Variants in PCARE observed in about 807,000 individuals in gnomAD.
PCARE encodes photoreceptor cilium actin regulator, also known as uncharacterized protein C2orf71.
A neutral mutation model predicts 82.2 loss-of-function variants in PCARE; 72 were observed. The observed-to-expected ratio is 0.88, with a 90% CI of 0.72 to 1.07. The LOEUF is 1.07. Ranked by LOEUF, PCARE falls within the 50% of genes least tolerant of loss-of-function variation. The probability of loss-of-function intolerance (pLI) is 0.00; values close to 1 mark genes in which losing one functional copy is unlikely to be tolerated. For missense variants in PCARE, 1,768 were observed against 1,592.4 expected, an observed-to-expected ratio of 1.11 and a Z score of -1.88; for synonymous variants, 705 against 634.8, an observed-to-expected ratio of 1.11 and a Z score of -1.66.
At position 29,072,683 on chromosome 2, in the gene PCARE, C is replaced by T. The variant is rs1558489496; in HGVS notation, c.1579G>A (p.Ala527Thr). The change falls in exon 1 of 2, where the codon GCC (alanine) becomes ACC (threonine). Residue 527 changes from alanine (A) to threonine (T), a missense_variant. Transcript: ENST00000331664. Reference sequence around the variant, plus strand: ...AGGCTCCTAAGCCTCCTGGTGCGGGCCTGAAATGGGCTTTCCCGGTCAGCA... The same window carrying T: ...AGGCTCCTAAGCCTCCTGGTGCGGGTCTGAAATGGGCTTTCCCGGTCAGCA... ...SPADRESPFQ[A>T]RTRRLRSLQA... is the part of the protein sequence containing the mutation. 6.2e-7 allele frequency: 1 copy of T among 1,614,052 alleles called. No individual in the cohort carries two copies. Among genetic ancestry groups the T allele is most frequent in the Non-Finnish European group, 8.5e-7 (1 of 1,180,016 alleles).
rs753697664 is a variant in PCARE at position 29,071,585 on chromosome 2, G to A, written c.2677C>T (p.Pro893Ser). 2 of 1,611,284 alleles carry A rather than the reference G, an allele frequency of 1.2e-6. No individual in the cohort carries two copies. The highest frequency in any genetic ancestry group is 1.7e-4 in the Middle Eastern group (1 of 6,020). ...GTCAGGCTGGCGGTGCTCTTGCTGG[G>A]CAGCAAGTCCAGGGGGCTCACAGAG... ...RASVSPLDLL[P>S]SKSTASLTKP... The change falls in exon 1 of 2, where the codon CCC (proline) becomes TCC (serine). Residue 893 changes from proline (P) to serine (S), a missense_variant. By Grantham distance (74) the Pro-to-Ser change is moderately conservative. Transcript: ENST00000331664.
intron 1 of PCARE, among the ~76,000 whole-genome samples, chr2:29,067,695 C>T (rs1048599587): frequency 6.6e-6 from 1 of 152,204 alleles, no homozygotes; most frequent in Non-Finnish European, 1.5e-5. Context: ...CAGGTGCGTG[C>T]CACCATACCC....
rs775685036 is a variant in PCARE, at chr2:29,070,991, G to C, written c.3271C>G (p.Pro1091Ala). The C allele has an allele frequency of 5.0e-6, 8 of 1,610,696 alleles. No individual in the cohort carries two copies. The African/African-American group carries it at 1.1e-4, about 22-fold the overall frequency. ...SPPFSIPSPSPPMSPSQEHKE... is the reference protein window; with the variant it reads ...SPPFSIPSPSAPMSPSQEHKE... ...TGCTCCTGAGAAGGGGACATTGGGG[G>C]TGATGGGGAGGGAATCGAGAAAGGG... The change falls in exon 1 of 2, where the codon CCC (proline) becomes GCC (alanine). Residue 1091 changes from proline to alanine, a missense_variant. Pro to Ala is a conservative substitution (Grantham distance 27). Transcript: ENST00000331664.
chr2:29,069,283 G>A (rs933636311), intron 1 of PCARE, among the ~76,000 whole-genome samples: 2 of 152,164 alleles, frequency 1.3e-5, no homozygotes, highest in African/African-American at 4.8e-5. Context: ...GCAAAGATAT[G>A]GAGTCAACCC....
At position 29,071,043 on chromosome 2, in the gene PCARE, G is replaced by A. The variant is rs1260791668; in HGVS notation, c.3219C>T (p.Pro1073=). Residue 1073 remains proline, a synonymous_variant, in exon 1 of 2, where the codon CCC becomes CCT. Transcript: ENST00000331664. ...GGCTTGCTTCTGGGTGCTGGGTTGG[G>A]GGGCTGGGGACCTTGCACTGAGCAG... ...SAPAQCKVPS[P]PTQHPEASPP... 18 of 1,577,392 alleles carry A rather than the reference G, an allele frequency of 1.1e-5. No individual in the cohort carries two copies. Among genetic ancestry groups the A allele is most frequent in the Non-Finnish European group, 1.6e-5 (18 of 1,156,872 alleles).
At chr2:29,069,755 A>T (rs1462288622) in intron 1 of PCARE, among the ~76,000 whole-genome samples, 1 of 152,222 alleles carries the variant, frequency 6.6e-6, no homozygotes, top group Non-Finnish European at 1.5e-5. Flanking sequence ...GTGTTAACGT[A>T]TTTTTTAAAA....
Position 29,065,014 on chromosome 2 carries a change from G to C in PCARE, c.3722C>G (p.Ser1241Cys), listed in dbSNP as rs78471512. 6.4e-7 allele frequency: 1 copy of C among 1,562,238 alleles called. No homozygotes were observed. The highest frequency in any genetic ancestry group is 8.7e-7 in the Non-Finnish European group (1 of 1,153,052). Reference sequence around the variant, plus strand: ...CCTGGTGCCGCCCTGCAGTTCAGGGGAACAGGGGCTGCTCCCCGGCTCTGT... The same window carrying C: ...CCTGGTGCCGCCCTGCAGTTCAGGGCAACAGGGGCTGCTCCCCGGCTCTGT... ...KDTEPGSSPCSPELQGGTRRA... is the reference protein window; with the variant it reads ...KDTEPGSSPCCPELQGGTRRA... Residue 1241 changes from serine to cysteine, a missense_variant, in exon 2 of 2, where the codon TCC becomes TGC. Coordinates refer to ENST00000331664, the MANE Select transcript of PCARE (RefSeq NM_001029883.3).
rs199689791 is a variant in PCARE, at chr2:29,064,947, C to T, written c.3789G>A (p.Leu1263=). 5.3e-3 allele frequency: 8,551 copies of T among 1,607,924 alleles called. 36 individuals carry two copies. Among genetic ancestry groups the T allele is most frequent in the Middle Eastern group, 0.014 (73 of 5,324 alleles). ...TGTGGCCGGTCCGAGGCTCCGGTTG[C>T]AGCCCGTGGCCCAGCACACAGAACT... The part of the protein sequence containing the change: ...PPEFCVLGHG[L]QPEPRTGHIQ... Residue 1263 remains leucine, a synonymous_variant, in exon 2 of 2, where the codon CTG becomes CTA. Coordinates refer to ENST00000331664, the MANE Select transcript of PCARE (RefSeq NM_001029883.3).
chr2:29,071,504 G>A lies in PCARE; in HGVS notation c.2758C>T (p.Pro920Ser), dbSNP rs759721914. The A allele has an allele frequency of 3.7e-6, 6 of 1,609,310 alleles. No individual in the cohort carries two copies. Among genetic ancestry groups the A allele is most frequent in the Non-Finnish European group, 5.1e-6 (6 of 1,179,876 alleles). ...GGTGGGCTGCTCAGGTCCAGGGCTGGCTTCCTGGGCTGGCAGCTGCTCCTG... is the reference window on the plus strand; with the variant it reads ...GGTGGGCTGCTCAGGTCCAGGGCTGACTTCCTGGGCTGGCAGCTGCTCCTG... ...SGRSSCQPRK[P>S]ALDLSSPPAT... The change falls in exon 1 of 2, where the codon CCA becomes TCA. Residue 920 changes from proline (P) to serine (S), a missense_variant. Transcript: ENST00000331664.
chr2:29,065,540 G>T (rs145165320), intron 1 of PCARE, among the ~76,000 whole-genome samples: 1 of 152,382 alleles, frequency 6.6e-6, no homozygotes, highest in South Asian at 2.1e-4. Context: ...CGCAGGCCCC[G>T]CATTTGGCTG....
Position 29,071,728 on chromosome 2 carries a change from G to C in PCARE, c.2534C>G (p.Ser845Cys). The change falls in exon 1 of 2, where the codon TCT becomes TGT. Residue 845 changes from serine (S) to cysteine (C), a missense_variant. Coordinates refer to ENST00000331664, the MANE Select transcript of PCARE (RefSeq NM_001029883.3). ...CTTGCTGCTTTCTGGGGACTCCAGA[G>C]AAGCGAATGATTTGTCCATCAGAAC... ...MEVLMDKSFA[S>C]LESPESSKST... is the part of the protein sequence containing the mutation. The C allele has an allele frequency of 6.2e-7, 1 of 1,613,970 alleles. No individual in the cohort carries two copies. Among genetic ancestry groups the C allele is most frequent in the Non-Finnish European group, 8.5e-7 (1 of 1,179,908 alleles).
In PCARE at chr2:29,063,881, G is replaced by A. The variant is rs563291434; in HGVS notation, c.*988C>T. On this transcript the variant is annotated 3_prime_UTR_variant, in exon 2 of 2. Coordinates refer to ENST00000331664, the MANE Select transcript of PCARE (RefSeq NM_001029883.3). The stretch of plus-strand genomic sequence containing the variant: ...AAGTTGGCCAAGAAGCCTCCGAGGG[G>A]AGATCGGCGTGTGAGTACGTATGCC... 4 of 152,744 alleles carry A rather than the reference G, an allele frequency of 2.6e-5. No individual in the cohort carries two copies. The highest frequency in any genetic ancestry group is 9.6e-5 in the African/African-American group (4 of 41,576). The allele number at this position is 152,744 out of a possible 1,614,324, so 9.5% of individuals were successfully genotyped here. A position where few individuals can be genotyped will look rare whatever the true frequency, so the allele number is the denominator to read the frequency against.
rs200759534 is a variant in PCARE, at chr2:29,071,953, T to C, written c.2309A>G (p.Lys770Arg). Residue 770 changes from lysine (K) to arginine (R), a missense_variant, in exon 1 of 2, where the codon AAG (lysine) becomes AGG (arginine). Coordinates refer to ENST00000331664, the MANE Select transcript of PCARE (RefSeq NM_001029883.3). ...ATACAAAGGGGCAAGCCCTGTGTAC[T>C]TGGGAAATCTGGGGGGCATGATGCA... is the stretch of plus-strand genomic sequence containing the variant. ...RNCIMPPRFPKYTGLAPLYPK... is the reference protein window; with the variant it reads ...RNCIMPPRFPRYTGLAPLYPK... 125 of 1,614,134 alleles carry C rather than the reference T, an allele frequency of 7.7e-5. No homozygotes were observed. Among genetic ancestry groups the C allele is most frequent in the Admixed American group, 6.7e-5 (4 of 60,030 alleles).
intron 1 of PCARE, among the ~76,000 whole-genome samples, chr2:29,069,987 C>T (rs1043682905): frequency 2.0e-5 from 3 of 152,184 alleles, no homozygotes; most frequent in Non-Finnish European, 2.9e-5. Flanking sequence ...AGACACGGCA[C>T]CAGTGAGCCA....
chr2:29,066,160 A>T (rs942556117), intron 1 of PCARE, among the ~76,000 whole-genome samples: 22 of 152,212 alleles, frequency 1.4e-4, no homozygotes, highest in African/African-American at 5.1e-4. Context: ...AAATAAAAAT[A>T]AAAATTAAAA....
In PCARE at chr2:29,073,119, C is replaced by T. The variant is rs767401177; in HGVS notation, c.1143G>A (p.Lys381=). The change falls in exon 1 of 2, where the codon AAG becomes AAA. Residue 381 remains lysine (K), a synonymous_variant. Coordinates refer to ENST00000331664, the MANE Select transcript of PCARE (RefSeq NM_001029883.3). ...CCTCTGTGTGGGGTGAAGTCACCGA[C>T]TTCCATTCTTCGGGCTCTGGTGCAA... ...WDLAPEPEEW[K]SVTSPHTEAR... The T allele has an allele frequency of 1.9e-6, 3 of 1,614,198 alleles. No individual in the cohort carries two copies. Among genetic ancestry groups the T allele is most frequent in the Admixed American group, 1.7e-5 (1 of 60,024 alleles).
chr2:29,068,941 G>A (rs1403251596), intron 1 of PCARE, among the ~76,000 whole-genome samples: 6 of 152,102 alleles, frequency 3.9e-5, no homozygotes, highest in Non-Finnish European at 7.4e-5. Flanking sequence ...GTAGTCTGGG[G>A]GCCCCTGGTT....
At chr2:29,065,931 G>A (rs898946131) in intron 1 of PCARE, among the ~76,000 whole-genome samples, 9 of 152,184 alleles carry the variant, frequency 5.9e-5, no homozygotes, top group African/African-American at 1.9e-4. Context: ...CGGATCACCT[G>A]GGGTCAGGAG....
Position 29,072,088 on chromosome 2 carries a change from C to T in PCARE, c.2174G>A (p.Cys725Tyr). 1 of 1,614,242 alleles carries T rather than the reference C, an allele frequency of 6.2e-7. No individual in the cohort carries two copies. Among genetic ancestry groups the T allele is most frequent in the Non-Finnish European group, 8.5e-7 (1 of 1,180,048 alleles). The change falls in exon 1 of 2, where the codon TGT becomes TAT. Residue 725 changes from cysteine to tyrosine, a missense_variant. By Grantham distance (194) the Cys-to-Tyr change is radical. Transcript: ENST00000331664. ...AKATDWNVRGCPTRTSVKKLI... is the reference protein window; with the variant it reads ...AKATDWNVRGYPTRTSVKKLI... ...CTTCTTGACGGATGTTCTGGTGGGA[C>T]AGCCTCTGACATTCCAGTCTGTGGC...
Sources: allele counts gnomAD v4.1 joint callset (sites outside exome capture counted in the v4.1 genomes callset), GRCh38; gene constraint gnomAD v4.1.1; transcripts MANE v1.5; gene names NCBI Gene and HGNC (gene_info 2026-07-23, HGNC 2026-07-21).